The following CRYBG1 variants were observed in gnomAD, a reference collection of about 807,000 sequenced individuals.
CRYBG1 encodes beta/gamma crystallin domain-containing protein 1.
Under a neutral mutation model 189.2 loss-of-function variants are expected in CRYBG1, and 139 were observed. The observed-to-expected ratio is 0.73, with a 90% CI of 0.64 to 0.85. CRYBG1 has a LOEUF of 0.85. CRYBG1 is among the 40% of genes least tolerant of loss of function. The pLI, the probability that CRYBG1 is intolerant of heterozygous loss-of-function variation, is 0.00. For missense variants in CRYBG1, 2,611 were observed against 2,675.8 expected, an observed-to-expected ratio of 0.98 and a Z score of 0.53; for synonymous variants, 1,023 against 1,017.1, an observed-to-expected ratio of 1.01 and a Z score of -0.11.
At chr6:106,424,620 C>A (rs941961999) in intron 1 of CRYBG1, among the ~76,000 whole-genome samples, 10 of 152,132 alleles carry the variant, frequency 6.6e-5, no homozygotes, top group African/African-American at 2.4e-4. Flanking sequence ...CACCACCTTG[C>A]CCAGCTAATT....
In CRYBG1 at chr6:106,431,000, T is replaced by C. The variant is rs565486791; in HGVS notation, c.174-20694T>C. ...CCTCAGCCTCCCGAGTGGCTGGGAC[T>C]ACAGGTGTGTACCACCATGCCTGGC... On this transcript the variant is annotated intron_variant, in intron 1 of 21. Coordinates refer to ENST00000633556, the MANE Select transcript of CRYBG1 (RefSeq NM_001371242.2). 9.3e-4 allele frequency among the ~76,000 whole-genome samples: 141 copies of C among 152,262 alleles called. 1 individual carries two copies. The highest frequency in any genetic ancestry group is 2.9e-3 in the African/African-American group (119 of 41,542).
intron 4 of CRYBG1, among the ~76,000 whole-genome samples, chr6:106,524,863 G>A (rs1477686982): frequency 6.6e-6 from 1 of 152,090 alleles, no homozygotes; most frequent in African/African-American, 2.4e-5. Flanking sequence ...AAACATATGT[G>A]CCCTGAATTT....
At chr6:106,533,727 C>T (rs1773926338) in intron 8 of CRYBG1, among the ~76,000 whole-genome samples, 1 of 152,096 alleles carries the variant, frequency 6.6e-6, no homozygotes, top group East Asian at 1.9e-4. Flanking sequence ...ACGAAAAAGA[C>T]TTGGAGGAGC....
intron 2 of CRYBG1, among the ~76,000 whole-genome samples, chr6:106,455,285 G>A (rs1036486481): frequency 6.6e-6 from 1 of 151,900 alleles, no homozygotes; most frequent in Non-Finnish European, 1.5e-5. Flanking sequence ...TGACAAACAC[G>A]AATTGGATAA....
chr6:106,380,631 T>C (rs1770267250), intron 1 of CRYBG1, among the ~76,000 whole-genome samples: 1 of 152,250 alleles, frequency 6.6e-6, no homozygotes, highest in Non-Finnish European at 1.5e-5. Flanking sequence ...CTTGGATCTT[T>C]GCTAATATTA....
At chr6:106,556,590 A>G (rs1774552079) in intron 17 of CRYBG1, among the ~76,000 whole-genome samples, 1 of 152,176 alleles carries the variant, frequency 6.6e-6, no homozygotes, top group African/African-American at 2.4e-5. Flanking sequence ...TTTCAGTTTG[A>G]TGTAGTGGAA....
intron 2 of CRYBG1, among the ~76,000 whole-genome samples, chr6:106,490,030 G>A (rs1282576657): frequency 1.3e-5 from 2 of 152,194 alleles, no homozygotes; most frequent in Non-Finnish European, 2.9e-5. Context: ...TGTCTTCTAC[G>A]GAGAGACTCA....
intron 17 of CRYBG1, among the ~76,000 whole-genome samples, chr6:106,556,257 T>C (rs2054366): frequency 0.79 from 119,729 of 152,186 alleles, 48,928 homozygotes; most frequent in Non-Finnish European, 0.89. Flanking sequence ...TTGTTGCCAT[T>C]ACTGAATATT....
intron 1 of CRYBG1, 44 bp downstream of exon 1, chr6:106,361,125 C>T (rs1444616474): frequency 1.3e-6 from 2 of 1,515,082 alleles, no homozygotes; most frequent in Non-Finnish European, 1.8e-6. Context: ...TCCTCCTCCT[C>T]CTCCTTCTCC....
intron 2 of CRYBG1, among the ~76,000 whole-genome samples, chr6:106,510,551 C>T (rs1177650419): frequency 6.6e-6 from 1 of 151,838 alleles, no homozygotes; most frequent in Non-Finnish European, 1.5e-5. Flanking sequence ...TGGGCCGGCC[C>T]CTGGGGCTCC....
chr6:106,400,231 T>C (rs1770696430), intron 1 of CRYBG1, among the ~76,000 whole-genome samples: 1 of 151,886 alleles, frequency 6.6e-6, no homozygotes, highest in African/African-American at 2.4e-5. Flanking sequence ...GCTCCCACCT[T>C]GGCCTTCCAA....
At chr6:106,461,809 G>T (rs556825683) in intron 2 of CRYBG1, among the ~76,000 whole-genome samples, 49 of 152,278 alleles carry the variant, frequency 3.2e-4, no homozygotes, top group Non-Finnish European at 2.2e-4. Context: ...AACCTGCTGT[G>T]GGTGTGGCTG....
chr6:106,519,292 A>G lies in CRYBG1; in HGVS notation c.2084A>G (p.His695Arg), dbSNP rs368643208. Residue 695 changes from histidine to arginine, a missense_variant, in exon 4 of 22, where the codon CAC becomes CGC. His to Arg is a conservative substitution (Grantham distance 29, BLOSUM62 0). Coordinates refer to ENST00000633556, the MANE Select transcript of CRYBG1 (RefSeq NM_001371242.2). ...ENKRTNSSPR[H>R]TDIRGQRNTP... ...AAACGGACAAACAGTAGCCCAAGACACACTGACATTCGAGGCCAAAGGAAT... is the reference window on the plus strand; with the variant it reads ...AAACGGACAAACAGTAGCCCAAGACGCACTGACATTCGAGGCCAAAGGAAT... 69 of 1,614,124 alleles carry G rather than the reference A, an allele frequency of 4.3e-5. 1 individual carries two copies. The African/African-American group carries it at 7.1e-4, about 17-fold the overall frequency.
Position 106,511,689 on chromosome 6 carries a change from G to A in CRYBG1, c.572G>A (p.Arg191Gln), listed in dbSNP as rs1003482590. 1.6e-5 allele frequency: 24 copies of A among 1,535,230 alleles called. No homozygotes were observed. The highest frequency in any genetic ancestry group is 2.0e-5 in the Admixed American group (1 of 50,926). ...GAGGGCTCCCCGCGGGAGAATCCCC[G>A]AGAGGCAGAGGGCGAGCTCCCCGAG... is the stretch of plus-strand genomic sequence containing the variant. ...SEEGSPRENP[R>Q]EAEGELPESG... The change falls in exon 3 of 22, where the codon CGA becomes CAA. Residue 191 changes from arginine to glutamine, a missense_variant. Transcript: ENST00000633556.
intron 2 of CRYBG1, among the ~76,000 whole-genome samples, chr6:106,462,139 GTTT>G (rs971699308): frequency 1.3e-5 from 2 of 150,144 alleles, no homozygotes; most frequent in South Asian, 4.2e-4. Flanking sequence ...TTTTTCTGAA[GTTT>G]TTTGTTTGTT....
At position 106,548,850 on chromosome 6, in the gene CRYBG1, G is replaced by A. The variant is rs572071908; in HGVS notation, c.5313-3002G>A. ...GTTGGTGTGCTGCACCCATTAACTC[G>A]TCATCTAGCATTAGGTATATCTCCT... On this transcript the variant is annotated intron_variant, in intron 13 of 21. Transcript: ENST00000633556. 1.5e-4 allele frequency among the ~76,000 whole-genome samples: 23 copies of A among 150,270 alleles called. No homozygotes were observed. The East Asian group carries it at 2.6e-3, about 17-fold the overall frequency.
chr6:106,477,394 G>C (rs1391644274), intron 2 of CRYBG1, among the ~76,000 whole-genome samples: 1 of 152,158 alleles, frequency 6.6e-6, no homozygotes, highest in South Asian at 2.1e-4. Context: ...TCAGTAGATA[G>C]TTAATATCCA....
chr6:106,553,709 C>T, intron 16 of CRYBG1, 142 bp downstream of exon 16: 1 of 651,840 alleles, frequency 1.5e-6, no homozygotes, highest in Admixed American at 2.9e-5. Context: ...TTCGTGATAT[C>T]TGAGTACCAG....
chr6:106,469,596 A>G (rs1772188140), intron 2 of CRYBG1, among the ~76,000 whole-genome samples: 1 of 151,970 alleles, frequency 6.6e-6, no homozygotes, highest in Non-Finnish European at 1.5e-5. Flanking sequence ...CAATTTTTTG[A>G]TTTGGTTTGA....
Sources: gnomAD v4.1 joint callset for allele counts (sites outside exome capture counted in the v4.1 genomes callset) on GRCh38, gnomAD v4.1.1 for gene constraint, MANE v1.5 for transcripts, NCBI Gene and HGNC (gene_info 2026-07-23, HGNC 2026-07-21) for gene names.